Variants in SEZ6 observed in about 807,000 individuals in gnomAD.
The protein encoded by SEZ6 is seizure protein 6 homolog.
SEZ6 carries 53 observed loss-of-function variants against 101.0 expected under a neutral mutation model. The ratio of observed to expected loss-of-function variants is 0.52; its 90% CI spans 0.42 to 0.66. The LOEUF is 0.66. SEZ6 is among the 30% of genes least tolerant of loss of function. The pLI is 0.00. For missense variants in SEZ6, 1,102 were observed against 1,289.4 expected (o/e 0.85, Z 2.23); for synonymous variants, 488 against 512.2 (o/e 0.95, Z 0.64).
chr17:28,967,849 C>T (rs2041093857), intron 4 of SEZ6, among the ~76,000 whole-genome samples: 1 of 152,332 alleles, frequency 6.6e-6, no homozygotes, highest in Admixed American at 6.5e-5. Flanking sequence ...CCAGGATGAG[C>T]TTCCTCCTGT....
At chr17:28,989,299 C>G (rs1178871164) in intron 1 of SEZ6, among the ~76,000 whole-genome samples, 3 of 152,056 alleles carry the variant, frequency 2.0e-5, no homozygotes, top group African/African-American at 7.2e-5. Context: ...ATACATTTAC[C>G]ACATGCCCAG....
intron 2 of SEZ6, among the ~76,000 whole-genome samples, chr17:28,980,374 T>A (rs1182252059): frequency 6.8e-6 from 1 of 146,532 alleles, no homozygotes; most frequent in Admixed American, 6.8e-5. Context: ...GCCTGGCTAT[T>A]TTTTTTTTTT....
At position 28,957,037 on chromosome 17, in the gene SEZ6, G is replaced by A. The variant is rs568963035; in HGVS notation, c.2692+8C>T. ...AGGGAGGGTTTTGAGGGGTGACAGG[G>A]CACTCACCAGCCCTACAGATGGGTG... On this transcript the variant is annotated splice_region_variant and intron_variant, in intron 13 of 16. Coordinates refer to ENST00000317338, the MANE Select transcript of SEZ6 (RefSeq NM_178860.5). The A allele has an allele frequency of 1.1e-4, 168 of 1,573,062 alleles. 1 individual carries two copies. Among genetic ancestry groups the A allele is most frequent in the Middle Eastern group, 6.8e-4 (4 of 5,920 alleles).
At chr17:29,003,008 A>G (rs2041635141) in intron 1 of SEZ6, among the ~76,000 whole-genome samples, 1 of 152,158 alleles carries the variant, frequency 6.6e-6, no homozygotes, top group African/African-American at 2.4e-5. Flanking sequence ...AGCAGGTCCA[A>G]GGTCACACAG....
chr17:29,006,168 G>A, upstream of SEZ6: 1 of 245,954 alleles, frequency 4.1e-6, no homozygotes. Context: ...CCGCTCCACC[G>A]CGACTGCCCT....
Position 29,005,162 on chromosome 17 carries a change from T to C in SEZ6, c.55+653A>G, listed in dbSNP as rs1233108913. Among the ~76,000 whole-genome samples, 1 of 151,790 alleles carries C rather than the reference T, an allele frequency of 6.6e-6. No individual in the cohort carries two copies. Among genetic ancestry groups the C allele is most frequent in the African/African-American group, 2.4e-5 (1 of 41,296 alleles). ...GGAGGACAGAGTCTCTATCCCAGGA[T>C]CTCCGCTGCTGCAGCCGAGGGCAGA... On this transcript the variant is annotated intron_variant, in intron 1 of 16. Transcript: ENST00000317338. The surrounding 1 kb of genome is among the most constrained non-coding windows in gnomAD (Gnocchi z 4.8).
chr17:28,973,730 G>A (rs2041184540), intron 3 of SEZ6, among the ~76,000 whole-genome samples: 1 of 152,180 alleles, frequency 6.6e-6, no homozygotes, highest in Admixed American at 6.5e-5. Context: ...GCTGGGTGTC[G>A]GACAGGAGGG....
intron 1 of SEZ6, among the ~76,000 whole-genome samples, chr17:28,988,830 T>C (rs1049149986): frequency 6.6e-6 from 1 of 152,180 alleles, no homozygotes; most frequent in Non-Finnish European, 1.5e-5. Context: ...GGAAACCAAG[T>C]CCAGGGGGTT....
chr17:28,971,619 G>T (rs1003224049), intron 3 of SEZ6, among the ~76,000 whole-genome samples: 1 of 151,898 alleles, frequency 6.6e-6, no homozygotes, highest in African/African-American at 2.4e-5. Flanking sequence ...AGGAAATACA[G>T]AATCTCAGAC....
intron 1 of SEZ6, among the ~76,000 whole-genome samples, chr17:28,996,510 A>G (rs1206610700): frequency 2.0e-5 from 3 of 152,112 alleles, no homozygotes; most frequent in African/African-American, 7.2e-5. Flanking sequence ...AGCTCCAGCT[A>G]TGAGTCTCCT....
At chr17:28,991,866 T>G (rs1169377752) in intron 1 of SEZ6, among the ~76,000 whole-genome samples, 3 of 152,208 alleles carry the variant, frequency 2.0e-5, no homozygotes, top group Non-Finnish European at 4.4e-5. Flanking sequence ...GTTGGATGTA[T>G]GATGGGCAAT....
intron 1 of SEZ6, among the ~76,000 whole-genome samples, chr17:29,002,645 T>C (rs2041630355): frequency 6.6e-6 from 1 of 152,108 alleles, no homozygotes. Context: ...CATGGGGCCT[T>C]GTCCCCAGTA....
At chr17:28,994,554 G>A (rs1186163798) in intron 1 of SEZ6, among the ~76,000 whole-genome samples, 1 of 151,952 alleles carries the variant, frequency 6.6e-6, no homozygotes, top group Admixed American at 6.5e-5. Flanking sequence ...GACTACAGGC[G>A]CCCGCCACTG....
At chr17:28,982,117 G>A in intron 1 of SEZ6, 78 bp from the exon 2 acceptor site, 2 of 1,469,308 alleles carry the variant, frequency 1.4e-6, no homozygotes. Flanking sequence ...GTAGTGGGGG[G>A]GCCCGCTCTC....
chr17:28,972,671 G>T (rs892961059), intron 3 of SEZ6, among the ~76,000 whole-genome samples: 14 of 152,244 alleles, frequency 9.2e-5, no homozygotes. Flanking sequence ...GAGGCTGGAT[G>T]AGGTCCCTTC....
rs562889486 is a variant in SEZ6 at position 28,995,631 on chromosome 17, A to T, written c.55+10184T>A. Among the ~76,000 whole-genome samples, 3 of 152,238 alleles carry T rather than the reference A, an allele frequency of 2.0e-5. No homozygotes were observed. The South Asian group carries it at 6.2e-4, about 32-fold the overall frequency. ...AGACAGAAGGACAGATGCAGGAACAAAAGACTTTGAAAGCAAAGATGGCCT... is the reference window on the plus strand; with the variant it reads ...AGACAGAAGGACAGATGCAGGAACATAAGACTTTGAAAGCAAAGATGGCCT... On this transcript the variant is annotated intron_variant, in intron 1 of 16. Transcript: ENST00000317338.
Position 28,956,007 on chromosome 17 carries a change from G to A in SEZ6, c.2953-13C>T. ...CAAAGGAAAGAGACTGCTGGGAGTT[G>A]GAAACTTGTATTAGGTTTGCCAGGC... On this transcript the variant is annotated splice_polypyrimidine_tract_variant and intron_variant, in intron 16 of 16. Coordinates refer to ENST00000317338, the MANE Select transcript of SEZ6 (RefSeq NM_178860.5). The A allele has an allele frequency of 1.2e-6, 2 of 1,612,416 alleles. No homozygotes were observed. The highest frequency in any genetic ancestry group is 1.7e-6 in the Non-Finnish European group (2 of 1,179,262).
At chr17:28,979,555 G>T in intron 3 of SEZ6, 125 bp downstream of exon 3, 1 of 1,396,712 alleles carries the variant, frequency 7.2e-7, no homozygotes, top group Non-Finnish European at 9.8e-7. Flanking sequence ...CCCAGCCCTG[G>T]CCTTAGGCGA....
chr17:29,006,031 C>T lies in SEZ6; in HGVS notation c.-162G>A. 2.0e-6 allele frequency: 1 copy of T among 509,268 alleles called. No homozygotes were observed. Among genetic ancestry groups the T allele is most frequent in the Non-Finnish European group, 2.9e-6 (1 of 342,056 alleles). 31.5% of individuals were successfully genotyped at this position (509,268 alleles called of 1,614,324 possible). On this transcript the variant is annotated 5_prime_UTR_variant, in exon 1 of 17. Transcript: ENST00000317338. Reference sequence around the variant, plus strand: ...CGCCAGCGCCTGACAGAATCAGCACCACGGCCAGCGCCTGGCGACGGCGCC... The same window carrying T: ...CGCCAGCGCCTGACAGAATCAGCACTACGGCCAGCGCCTGGCGACGGCGCC...
Sources: gnomAD v4.1 joint callset for allele counts (sites outside exome capture counted in the v4.1 genomes callset) on GRCh38, gnomAD v4.1.1 for gene constraint, Gnocchi (gnomAD v3.1) non-coding constraint, MANE v1.5 for transcripts, NCBI Gene and HGNC (gene_info 2026-07-23, HGNC 2026-07-21) for gene names.